The following IL6ST variants were observed in gnomAD, a reference collection of about 807,000 sequenced individuals.
The protein encoded by IL6ST is interleukin-6 receptor subunit beta.
Under a neutral mutation model 91.3 loss-of-function variants are expected in IL6ST, and 24 were observed. That is an observed-to-expected ratio of 0.26 (90% CI 0.19 to 0.37). The LOEUF (loss-of-function observed/expected upper bound fraction) is 0.37. IL6ST is among the 10% of genes least tolerant of loss of function. IL6ST has a pLI of 1.00. For missense variants in IL6ST, 914 were observed against 1,078.5 expected, an observed-to-expected ratio of 0.85 and a Z score of 2.14; for synonymous variants, 351 against 373.6, an observed-to-expected ratio of 0.94 and a Z score of 0.70.
At chr5:55,980,291 T>C (rs1753577548) in intron 2 of IL6ST, among the ~76,000 whole-genome samples, 1 of 152,240 alleles carries the variant, frequency 6.6e-6, no homozygotes, top group Non-Finnish European at 1.5e-5. Context: ...GGCTCACGCC[T>C]GTAATCCCAG....
intron 3 of IL6ST, among the ~76,000 whole-genome samples, chr5:55,975,292 G>A (rs899849201): frequency 6.6e-6 from 1 of 152,032 alleles, no homozygotes; most frequent in Non-Finnish European, 1.5e-5. Context: ...GTGAGCTCTG[G>A]TCATTTAAAA....
rs1750826603 is a variant in IL6ST at position 55,940,388 on chromosome 5, T to G, written c.*694A>C. Reference sequence around the variant, plus strand: ...GAGGTTGTCAATAATATGCAAATTTTTGAAAACTAGTGAGATTACTAATTA... The same window carrying G: ...GAGGTTGTCAATAATATGCAAATTTGTGAAAACTAGTGAGATTACTAATTA... On this transcript the variant is annotated 3_prime_UTR_variant, in exon 17 of 17. Transcript: ENST00000381298. 2 of 209,088 alleles carry G rather than the reference T, an allele frequency of 9.6e-6. No individual in the cohort carries two copies. Among genetic ancestry groups the G allele is most frequent in the Admixed American group, 5.9e-5 (1 of 16,950 alleles). The allele number at this position is 209,088 out of a possible 1,614,324, so 13.0% of individuals were successfully genotyped here.
In IL6ST at chr5:55,988,919, T is replaced by G. The variant is rs1458978399; in HGVS notation, c.-104+5865A>C. 2.0e-5 allele frequency among the ~76,000 whole-genome samples: 3 copies of G among 149,728 alleles called. No homozygotes were observed. In the South Asian group the frequency reaches 6.3e-4, roughly 32 times the overall value. ...TGAGCCCAGGAGTTCAAGACCAGCC[T>G]AAGCAACATGGCAAAACCCCATCTC... On this transcript the variant is annotated intron_variant, in intron 1 of 16. Transcript: ENST00000381298.
At chr5:55,965,324 T>G (rs924062237) in intron 5 of IL6ST, among the ~76,000 whole-genome samples, 3 of 152,202 alleles carry the variant, frequency 2.0e-5, no homozygotes, top group African/African-American at 7.2e-5. Flanking sequence ...TTGTCAACTA[T>G]GTTTTTCAGT....
intron 1 of IL6ST, among the ~76,000 whole-genome samples, chr5:55,984,135 G>A (rs1043741737): frequency 6.6e-5 from 10 of 152,048 alleles, no homozygotes; most frequent in Admixed American, 3.3e-4. Context: ...AGTTAACTCC[G>A]TTATTAAAGT....
intron 11 of IL6ST, among the ~76,000 whole-genome samples, chr5:55,954,350 C>T (rs560851328): frequency 1.3e-5 from 2 of 152,326 alleles, no homozygotes; most frequent in Admixed American, 6.5e-5. Flanking sequence ...TTCATTACTT[C>T]TGTCCTTTGT....
intron 2 of IL6ST, among the ~76,000 whole-genome samples, chr5:55,981,206 A>C (rs538777811): frequency 1.3e-5 from 2 of 152,360 alleles, no homozygotes; most frequent in African/African-American, 4.8e-5. Context: ...CCTAATTTTT[A>C]AAAGATTGTA....
chr5:55,977,656 T>A (rs964567434), intron 2 of IL6ST, among the ~76,000 whole-genome samples: 2 of 152,052 alleles, frequency 1.3e-5, no homozygotes. Flanking sequence ...TGAAACCCCA[T>A]CTCTATTAAA....
At position 55,938,152 on chromosome 5, in the gene IL6ST, CAAT is replaced by C. The variant is rs1750652469; in HGVS notation, c.*2927_*2929del. 1.0e-5 allele frequency: 2 copies of C among 191,372 alleles called. No homozygotes were observed. Among genetic ancestry groups the C allele is most frequent in the South Asian group, 3.9e-4 (2 of 5,166 alleles). The allele number at this position is 191,372 out of a possible 1,614,324, so 11.9% of individuals were successfully genotyped here. ...TTCTAAGTATACTCCACTAACTTCACAATAAGAGCTAGGGTCACTGGATGACTT... is the reference window on the plus strand; with the variant it reads ...TTCTAAGTATACTCCACTAACTTCACAAGAGCTAGGGTCACTGGATGACTT... On this transcript the variant is annotated 3_prime_UTR_variant, in exon 17 of 17. Coordinates refer to ENST00000381298, the MANE Select transcript of IL6ST (RefSeq NM_002184.4).
chr5:55,937,992 C>T lies in IL6ST; in HGVS notation c.*3090G>A, dbSNP rs1449630046. On this transcript the variant is annotated 3_prime_UTR_variant, in exon 17 of 17. Coordinates refer to ENST00000381298, the MANE Select transcript of IL6ST (RefSeq NM_002184.4). ...TATGATTATTCTACTTCTACATTTA[C>T]ATGTCATGGTTTTAACTAGTTAAAT... 3 of 192,416 alleles carry T rather than the reference C, an allele frequency of 1.6e-5. No individual in the cohort carries two copies. The highest frequency in any genetic ancestry group is 3.3e-5 in the Non-Finnish European group (3 of 92,128). The allele number at this position is 192,416 out of a possible 1,614,324, so 11.9% of individuals were successfully genotyped here.
At chr5:55,954,172 ATC>A (rs1751819404) in intron 11 of IL6ST, among the ~76,000 whole-genome samples, 1 of 152,206 alleles carries the variant, frequency 6.6e-6, no homozygotes, top group Non-Finnish European at 1.5e-5. Context: ...TATGGCAGGA[ATC>A]TCTCTGCTTA....
At chr5:55,980,223 G>GT (rs1324429583) in intron 2 of IL6ST, among the ~76,000 whole-genome samples, 7 of 152,144 alleles carry the variant, frequency 4.6e-5, no homozygotes, top group African/African-American at 1.2e-4. Context: ...TGAATCTTTA[G>GT]TACTTATGCA....
intron 13 of IL6ST, 78 bp from the exon 14 acceptor site, chr5:55,951,682 G>T: frequency 7.2e-7 from 1 of 1,387,334 alleles, no homozygotes; most frequent in Non-Finnish European, 9.8e-7. Flanking sequence ...CATTGTGAAA[G>T]TGTTAAAAAA....
At chr5:55,960,111 C>A (rs1384446490) in intron 8 of IL6ST, among the ~76,000 whole-genome samples, 4 of 152,102 alleles carry the variant, frequency 2.6e-5, no homozygotes, top group Admixed American at 2.6e-4. Flanking sequence ...GTCTCAAACT[C>A]CTGACCTTGT....
chr5:55,983,896 A>G (rs555922373), intron 1 of IL6ST, among the ~76,000 whole-genome samples: 1 of 152,324 alleles, frequency 6.6e-6, no homozygotes, highest in South Asian at 2.1e-4. Flanking sequence ...TACATAGTGG[A>G]CATCTTCATA....
rs1561148874 is a variant in IL6ST, at chr5:55,940,588, A to G, written c.*494T>C. 4.7e-6 allele frequency: 1 copy of G among 213,508 alleles called. No homozygotes were observed. 13.2% of individuals were successfully genotyped at this position (213,508 alleles called of 1,614,324 possible). On this transcript the variant is annotated 3_prime_UTR_variant, in exon 17 of 17. Coordinates refer to ENST00000381298, the MANE Select transcript of IL6ST (RefSeq NM_002184.4). The stretch of plus-strand genomic sequence containing the variant: ...TTGTCAGATTACAAAAGCTGGGCTC[A>G]TGTAGTTATGGCCTATGGACCTCTT...
chr5:55,984,294 TTC>T (rs1580864535), intron 1 of IL6ST, among the ~76,000 whole-genome samples: 3 of 152,236 alleles, frequency 2.0e-5, no homozygotes, highest in Non-Finnish European at 4.4e-5. Flanking sequence ...TAAATTAATT[TTC>T]TTTTTGTTTG....
Position 55,940,943 on chromosome 5 carries a change from CTTCAG to C in IL6ST, c.*134_*138del, listed in dbSNP as rs1387365773. ...TGGAATGGAAATAGCTCATGTGAAA[CTTCAG>C]TTCATTTTTGTCCTTAAGGGCAAAT... On this transcript the variant is annotated 3_prime_UTR_variant, in exon 17 of 17. Coordinates refer to ENST00000381298, the MANE Select transcript of IL6ST (RefSeq NM_002184.4). 5.1e-6 allele frequency: 4 copies of C among 781,924 alleles called. No homozygotes were observed. The African/African-American group carries it at 7.0e-5, about 14-fold the overall frequency. The allele number at this position is 781,924 out of a possible 1,614,324, so 48.4% of individuals were successfully genotyped here.
At chr5:55,977,831 G>GACACAC (rs113287344) in intron 2 of IL6ST, among the ~76,000 whole-genome samples, 7 of 149,036 alleles carry the variant, frequency 4.7e-5, no homozygotes, top group Admixed American at 1.3e-4. Context: ...GACACACACA[G>GACACAC]ACACACACAC....
Sources: allele counts gnomAD v4.1 joint callset (sites outside exome capture counted in the v4.1 genomes callset), GRCh38; gene constraint gnomAD v4.1.1; transcripts MANE v1.5; gene names NCBI Gene and HGNC (gene_info 2026-07-23, HGNC 2026-07-21).